Variants in CCDC148 observed in about 807,000 individuals in gnomAD.
The protein encoded by CCDC148 is coiled-coil domain-containing protein 148.
CCDC148 carries 89 observed loss-of-function variants against 85.7 expected under a neutral mutation model. That is an observed-to-expected ratio of 1.04 (90% confidence interval 0.87 to 1.24). The LOEUF (loss-of-function observed/expected upper bound fraction) is 1.24, where lower values mean the gene tolerates loss of function less well. CCDC148 is among the 50% of genes most tolerant of loss of function. The pLI is 0.00. For missense variants in CCDC148, 692 were observed against 671.7 expected (o/e 1.03, Z -0.33); for synonymous variants, 230 against 213.9 (o/e 1.08, Z -0.66).
chr2:158,427,093 T>C (rs1559137699), intron 1 of CCDC148, among the ~76,000 whole-genome samples: 1 of 152,180 alleles, frequency 6.6e-6, no homozygotes, highest in Non-Finnish European at 1.5e-5. Context: ...AATAATAATT[T>C]GACCTCACAG....
At chr2:158,182,830 A>G (rs1226313173) in intron 11 of CCDC148, among the ~76,000 whole-genome samples, 1 of 152,198 alleles carries the variant, frequency 6.6e-6, no homozygotes, top group Non-Finnish European at 1.5e-5. Context: ...GAAGTGATGC[A>G]GAAAAACTCC....
At chr2:158,180,978 T>G (rs1352739870) in intron 11 of CCDC148, among the ~76,000 whole-genome samples, 1 of 152,154 alleles carries the variant, frequency 6.6e-6, no homozygotes, top group East Asian at 1.9e-4. Flanking sequence ...CTCCATGTCA[T>G]GGAAAGCTCT....
intron 11 of CCDC148, among the ~76,000 whole-genome samples, chr2:158,181,017 G>A (rs1274328489): frequency 6.6e-6 from 1 of 152,022 alleles, no homozygotes; most frequent in Non-Finnish European, 1.5e-5. Flanking sequence ...TTTCACTAAG[G>A]CATGACATGA....
chr2:158,451,042 T>G (rs1307163932), intron 1 of CCDC148, among the ~76,000 whole-genome samples: 1 of 152,196 alleles, frequency 6.6e-6, no homozygotes, highest in Non-Finnish European at 1.5e-5. Flanking sequence ...TGTCTTCAAG[T>G]TCACTGATTT....
intron 7 of CCDC148, among the ~76,000 whole-genome samples, chr2:158,332,251 C>G (rs1029542531): frequency 6.6e-6 from 1 of 151,806 alleles, no homozygotes. Flanking sequence ...GATTTTATTT[C>G]TCCTTCACTT....
At chr2:158,433,472 C>T (rs1687474735) in intron 1 of CCDC148, among the ~76,000 whole-genome samples, 1 of 151,950 alleles carries the variant, frequency 6.6e-6, no homozygotes, top group African/African-American at 2.4e-5. Context: ...GTAAGACAAA[C>T]AACCTAATTT....
chr2:158,229,953 C>T (rs1249143655), intron 10 of CCDC148, among the ~76,000 whole-genome samples: 1 of 152,192 alleles, frequency 6.6e-6, no homozygotes, highest in Admixed American at 6.6e-5. Flanking sequence ...TTTCACTCCT[C>T]ACCTATGGTA....
chr2:158,245,740 A>G (rs1436219559), intron 10 of CCDC148, among the ~76,000 whole-genome samples: 1 of 152,194 alleles, frequency 6.6e-6, no homozygotes, highest in Non-Finnish European at 1.5e-5. Context: ...ATGGGAACCA[A>G]TATTATATAA....
At chr2:158,346,279 A>G (rs73968923) in intron 2 of CCDC148, among the ~76,000 whole-genome samples, 25,795 of 152,130 alleles carry the variant, frequency 0.17, 3,491 homozygotes, top group African/African-American at 0.38. Flanking sequence ...AGGAGAAGCC[A>G]AAGGATTATG....
At chr2:158,383,316 C>CA (rs894190090) in intron 1 of CCDC148, among the ~76,000 whole-genome samples, 57 of 138,866 alleles carry the variant, frequency 4.1e-4, no homozygotes, top group Middle Eastern at 3.7e-3. Context: ...GACTCCATCT[C>CA]AAAAAAAAAA....
At chr2:158,276,514 C>T (rs1250980634) in intron 9 of CCDC148, among the ~76,000 whole-genome samples, 1 of 152,038 alleles carries the variant, frequency 6.6e-6, no homozygotes, top group Non-Finnish European at 1.5e-5. Context: ...CGAGATCACG[C>T]CACTGCACTC....
At chr2:158,194,926 C>T (rs1192260619) in intron 11 of CCDC148, among the ~76,000 whole-genome samples, 1 of 151,848 alleles carries the variant, frequency 6.6e-6, no homozygotes, top group African/African-American at 2.4e-5. Flanking sequence ...TGCCACAAGC[C>T]CCTGATAATT....
intron 11 of CCDC148, among the ~76,000 whole-genome samples, chr2:158,192,317 T>C (rs1292247756): frequency 1.3e-5 from 2 of 151,950 alleles, no homozygotes; most frequent in Non-Finnish European, 2.9e-5. Flanking sequence ...AGGAGGGTCG[T>C]GGGCCAGAGA....
intron 1 of CCDC148, among the ~76,000 whole-genome samples, chr2:158,388,913 T>C (rs1685194654): frequency 1.3e-5 from 2 of 152,202 alleles, no homozygotes; most frequent in Non-Finnish European, 2.9e-5. Context: ...TCTGAAAATA[T>C]TAGTTATTAA....
intron 1 of CCDC148, among the ~76,000 whole-genome samples, chr2:158,391,745 A>G (rs934697899): frequency 6.6e-6 from 1 of 152,186 alleles, no homozygotes; most frequent in African/African-American, 2.4e-5. Flanking sequence ...ATGGGCTTGC[A>G]GAATTGTGTA....
chr2:158,312,725 A>T (rs886174989), intron 8 of CCDC148, among the ~76,000 whole-genome samples: 3 of 152,192 alleles, frequency 2.0e-5, no homozygotes, highest in Admixed American at 1.3e-4. Context: ...AAAAGGAAAG[A>T]TCTAATTTAA....
At chr2:158,405,779 T>G (rs1050392208) in intron 1 of CCDC148, among the ~76,000 whole-genome samples, 3 of 152,202 alleles carry the variant, frequency 2.0e-5, no homozygotes, top group Non-Finnish European at 4.4e-5. Flanking sequence ...TAATATGAAT[T>G]ATTGACATTA....
At chr2:158,265,179 C>T (rs1689402307) in intron 9 of CCDC148, among the ~76,000 whole-genome samples, 2 of 152,058 alleles carry the variant, frequency 1.3e-5, no homozygotes, top group Admixed American at 6.6e-5. Context: ...AATCTAATTG[C>T]CGCTTATGCT....
At chr2:158,259,086 AT>A (rs369264831) in intron 9 of CCDC148, among the ~76,000 whole-genome samples, 2 of 150,154 alleles carry the variant, frequency 1.3e-5, no homozygotes, top group African/African-American at 4.9e-5. Flanking sequence ...TGCACATGCC[AT>A]TTTTTTTTCT....
Sources: gnomAD v4.1 joint callset for allele counts (sites outside exome capture counted in the v4.1 genomes callset) on GRCh38, gnomAD v4.1.1 for gene constraint, MANE v1.5 for transcripts, NCBI Gene and HGNC (gene_info 2026-07-23, HGNC 2026-07-21) for gene names.